Variants in OBSL1 observed in about 807,000 individuals in gnomAD.
OBSL1 encodes obscurin-like protein 1.
In OBSL1, 160 loss-of-function variants were observed where a neutral mutation model predicts 172.0. That is an observed-to-expected ratio of 0.93 (90% CI 0.82 to 1.06). The LOEUF (loss-of-function observed/expected upper bound fraction) is 1.06, where lower values mean the gene tolerates loss of function less well. Ranked by LOEUF, OBSL1 falls within the 50% of genes least tolerant of loss-of-function variation. OBSL1 has a pLI of 0.00. For missense variants in OBSL1, 2,681 were observed against 2,715.4 expected (o/e 0.99, Z 0.28); for synonymous variants, 1,200 against 1,196.3 (o/e 1.00, Z -0.06).
In OBSL1 at chr2:219,554,453, CT is replaced by C. The variant is rs1368441843; in HGVS notation, c.4876+20del. ...AGGGCCACACAGGTCAGCAGGCAGGCTGTGGTCCTGGAGGCCACACCTCTCA... is the reference window on the plus strand; with the variant it reads ...AGGGCCACACAGGTCAGCAGGCAGGCGTGGTCCTGGAGGCCACACCTCTCA... On this transcript the variant is annotated intron_variant, in intron 15 of 20. Transcript: ENST00000404537. 6.2e-7 allele frequency: 1 copy of C among 1,610,332 alleles called. No individual in the cohort carries two copies. Among genetic ancestry groups the C allele is most frequent in the African/African-American group, 1.3e-5 (1 of 74,900 alleles).
chr2:219,556,780 C>T, intron 12 of OBSL1, 57 bp from the exon 13 acceptor site: 1 of 1,500,708 alleles, frequency 6.7e-7, no homozygotes, highest in African/African-American at 1.4e-5. Context: ...CTCTCCTTTT[C>T]ATCCCCTCCT....
chr2:219,567,144 T>G lies in OBSL1; in HGVS notation c.1838-18A>C. On this transcript the variant is annotated intron_variant, in intron 4 of 20. Coordinates refer to ENST00000404537, the MANE Select transcript of OBSL1 (RefSeq NM_015311.3). ...TGTGGGCACTGAGGCAGGGACAGAGTGCAGCTGTCAGAACTAGAAGGTGTG... is the reference window on the plus strand; with the variant it reads ...TGTGGGCACTGAGGCAGGGACAGAGGGCAGCTGTCAGAACTAGAAGGTGTG... The G allele has an allele frequency of 6.2e-7, 1 of 1,609,398 alleles. No homozygotes were observed. The highest frequency in any genetic ancestry group is 8.5e-7 in the Non-Finnish European group (1 of 1,177,136).
At chr2:219,564,242 A>T (rs1242737088) in intron 6 of OBSL1, among the ~76,000 whole-genome samples, 1 of 152,152 alleles carries the variant, frequency 6.6e-6, no homozygotes, top group African/African-American at 2.4e-5. Flanking sequence ...CAGTCCAGGG[A>T]TTTATAACCA....
rs771773566 is a variant in OBSL1 at position 219,554,784 on chromosome 2, C to T, written c.4610-44G>A. On this transcript the variant is annotated intron_variant, in intron 14 of 20. Coordinates refer to ENST00000404537, the MANE Select transcript of OBSL1 (RefSeq NM_015311.3). The stretch of plus-strand genomic sequence containing the variant: ...GAGAGGGAGGATGAGGCCTCCAGCT[C>T]TGGGCAGGGGTTGCAGTCAATCCTC... 11 of 1,505,674 alleles carry T rather than the reference C, an allele frequency of 7.3e-6. No individual in the cohort carries two copies. The Admixed American group carries it at 8.1e-5, about 11-fold the overall frequency. The allele number at this position is 1,505,674 out of a possible 1,614,324, so 93.3% of individuals were successfully genotyped here.
chr2:219,567,270 C>A lies in OBSL1; in HGVS notation c.1837+3G>T. On this transcript the variant is annotated splice_donor_region_variant and intron_variant, in intron 4 of 20. Transcript: ENST00000404537. ...ATGGGTGGGTCTGGCAGGACCAACT[C>A]ACCAAGGTGAGCAGAACCGTGGAAC... is the stretch of plus-strand genomic sequence containing the variant. The A allele has an allele frequency of 1.3e-6, 2 of 1,587,410 alleles. No individual in the cohort carries two copies. Among genetic ancestry groups the A allele is most frequent in the Non-Finnish European group, 1.7e-6 (2 of 1,162,606 alleles).
chr2:219,549,659 G>A, downstream of OBSL1: 1 of 1,597,250 alleles, frequency 6.3e-7, no homozygotes, highest in South Asian at 1.1e-5. Flanking sequence ...TCAGGAAGAG[G>A]TGGCTTTTAG....
intron 6 of OBSL1, 41 bp from the exon 7 acceptor site, chr2:219,563,668 C>A: frequency 6.3e-7 from 1 of 1,586,154 alleles, no homozygotes; most frequent in Non-Finnish European, 8.6e-7. Context: ...GACACCCCCG[C>A]ACAATGAGTC....
In OBSL1 at chr2:219,557,573, A is replaced by G. The variant is rs922151164; in HGVS notation, c.3836T>C (p.Val1279Ala). 1.5e-5 allele frequency: 24 copies of G among 1,549,402 alleles called. No homozygotes were observed. The African/African-American group carries it at 3.3e-4, about 21-fold the overall frequency. The part of the protein sequence containing the change: ...VVAPEAAQTR[V>A]RSTPGGDLEL... ...TAGGTCCCCGCCTGGGGTGCTCCGAACCCTCGTCTGGGCTGCCTCGGGAGC... is the reference window on the plus strand; with the variant it reads ...TAGGTCCCCGCCTGGGGTGCTCCGAGCCCTCGTCTGGGCTGCCTCGGGAGC... The change falls in exon 12 of 21, where the codon GTT (valine) becomes GCT (alanine). Residue 1279 changes from valine to alanine, a missense_variant. Physicochemically the swap from Val to Ala is moderately conservative, Grantham distance 64. Coordinates refer to ENST00000404537, the MANE Select transcript of OBSL1 (RefSeq NM_015311.3).
At position 219,568,289 on chromosome 2, in the gene OBSL1, C is replaced by T. The variant is rs372417148; in HGVS notation, c.1048G>A (p.Val350Met). ...GCAATCCCGTGCTCACGGCCCTCCACGTCCTGCAGGGGCCGTGTGAACCGG... is the reference window on the plus strand; with the variant it reads ...GCAATCCCGTGCTCACGGCCCTCCATGTCCTGCAGGGGCCGTGTGAACCGG... The part of the protein sequence containing the change: ...RLRFTRPLQD[V>M]EGREHGIAVL... The change falls in exon 2 of 21, where the codon GTG becomes ATG. Residue 350 changes from valine (V) to methionine (M), a missense_variant. Val to Met is a conservative substitution (Grantham distance 21, BLOSUM62 1). This residue lies in a region of OBSL1 where 706 missense variants were observed against 695.8 expected (regional missense o/e 1.01). Transcript: ENST00000404537. This position sits in a 1 kb window ranked among gnomAD's most constrained non-coding sequence, Gnocchi z 4.1. 7.3e-5 allele frequency: 117 copies of T among 1,608,344 alleles called. No individual in the cohort carries two copies. Among genetic ancestry groups the T allele is most frequent in the Middle Eastern group, 3.3e-4 (2 of 6,070 alleles).
rs1395715336 is a variant in OBSL1, at chr2:219,558,736, TCA to T, written c.3227-279_3227-278del. 2.0e-5 allele frequency among the ~76,000 whole-genome samples: 3 copies of T among 151,922 alleles called. No homozygotes were observed. In the East Asian group the frequency reaches 5.8e-4, roughly 29 times the overall value. On this transcript the variant is annotated intron_variant, in intron 9 of 20. Transcript: ENST00000404537. ...TTAGAAGAAACTGACTTGCCTAAGG[TCA>T]CACAGACAGAAAGAGGCAGATCTAG...
rs1230700230 is a variant in OBSL1, at chr2:219,570,548, G to A, written c.685C>T (p.Pro229Ser). 3.1e-6 allele frequency: 5 copies of A among 1,598,652 alleles called. No homozygotes were observed. The highest frequency in any genetic ancestry group is 1.7e-5 in the Admixed American group (1 of 58,542). The change falls in exon 1 of 21, where the codon CCC becomes TCC. Residue 229 changes from proline (P) to serine (S), a missense_variant. Transcript: ENST00000404537. ...GGGTCCGCGGGCGGGCTCTCGGGGG[G>A]CTGGTGCACCTGGAGCAGCGCCCCC... ...QAGALLQVHQ[P>S]PESPPADPDE... is the part of the protein sequence containing the mutation.
intron 11 of OBSL1, 51 bp from the exon 12 acceptor site, chr2:219,557,669 A>T: frequency 6.6e-7 from 1 of 1,505,714 alleles, no homozygotes; most frequent in Non-Finnish European, 8.9e-7. Context: ...CAGGGCTTTG[A>T]GGAGGGCACG....
downstream of OBSL1, chr2:219,547,836 G>A (rs751394577): frequency 2.5e-6 from 4 of 1,587,696 alleles, no homozygotes; most frequent in Admixed American, 3.4e-5. Context: ...CTCACTCTGC[G>A]CTGGCCCCGC....
downstream of OBSL1, chr2:219,547,775 G>C: frequency 1.3e-6 from 2 of 1,594,136 alleles, no homozygotes; most frequent in Non-Finnish European, 1.7e-6. Flanking sequence ...GCCAGGCTCC[G>C]TGTGGGGTCC....
downstream of OBSL1, chr2:219,547,671 T>C: frequency 6.5e-7 from 1 of 1,544,340 alleles, no homozygotes; most frequent in Non-Finnish European, 8.7e-7. Flanking sequence ...CTGGTGGCCA[T>C]GCTAGTGCGC....
chr2:219,557,936 GGGCCCTCGGCATGGAGCTCTA>G lies in OBSL1; in HGVS notation c.3656_3676del (p.Leu1219_Gly1225del), dbSNP rs1696153162. 1.9e-6 allele frequency: 3 copies of G among 1,605,844 alleles called. No individual in the cohort carries two copies. Among genetic ancestry groups the G allele is most frequent in the South Asian group, 1.1e-5 (1 of 90,974 alleles). ...AGCCTGGATGCAGAGGACTCGGCGG[GGGCCCTCGGCATGGAGCTCTA>G]GGCCCTCGCCCTCCTGCACGGGCCT... On this transcript the variant is annotated inframe_deletion, in exon 11 of 21. Transcript: ENST00000404537.
Position 219,557,468 on chromosome 2 carries a change from C to T in OBSL1, c.3941G>A (p.Arg1314Gln), listed in dbSNP as rs760985580. The change falls in exon 12 of 21, where the codon CGG (arginine) becomes CAG (glutamine). Residue 1314 changes from arginine to glutamine, a missense_variant. Physicochemically the swap from Arg to Gln is conservative, Grantham distance 43. Coordinates refer to ENST00000404537, the MANE Select transcript of OBSL1 (RefSeq NM_015311.3). Reference protein sequence around the residue: ...KDGERLASQGRVQLEQAGARQ... With the variant: ...KDGERLASQGQVQLEQAGARQ... ...GGCCCCGGCCTGCTCCAGCTGCACC[C>T]GCCCCTGGCTTGCCAGTCGCTCCCC... The T allele has an allele frequency of 8.4e-6, 13 of 1,551,542 alleles. No individual in the cohort carries two copies. The highest frequency in any genetic ancestry group is 7.8e-5 in the Admixed American group (4 of 51,378).
chr2:219,556,685 G>C lies in OBSL1; in HGVS notation c.4105C>G (p.Leu1369Val), dbSNP rs1696034464. The C allele has an allele frequency of 1.9e-6, 3 of 1,609,264 alleles. No individual in the cohort carries two copies. The highest frequency in any genetic ancestry group is 3.3e-5 in the Admixed American group (2 of 59,914). Reference protein sequence around the residue: ...LVKLVSELTPLTVHEGDDATF... With the variant: ...LVKLVSELTPVTVHEGDDATF... ...GCATCATCGCCCTCGTGGACAGTGA[G>C]TGGTGTCAGCTCCGAGACCAGCTTC... The change falls in exon 13 of 21, where the codon CTC (leucine) becomes GTC (valine). Residue 1369 changes from leucine (L) to valine (V), a missense_variant. Physicochemically the swap from Leu to Val is conservative, Grantham distance 32. Around this residue, in one of 5 missense-constraint regions of OBSL1, gnomAD observed 1,765 missense variants for 1,748.3 expected, o/e 1.01. Transcript: ENST00000404537.
chr2:219,552,633 C>A lies in OBSL1; in HGVS notation c.5211G>T (p.Thr1737=). The A allele has an allele frequency of 6.4e-7, 1 of 1,560,026 alleles. No individual in the cohort carries two copies. The highest frequency in any genetic ancestry group is 8.6e-7 in the Non-Finnish European group (1 of 1,158,032). The change falls in exon 18 of 21, where the codon ACG becomes ACT. Residue 1737 remains threonine, a synonymous_variant. Transcript: ENST00000404537. The stretch of plus-strand genomic sequence containing the variant: ...CGACCTCCGACACGGTGCACTCGAA[C>A]GTAGCGCCGTCGCCTTCGCGGGCGC... ...SVSAREGDGA[T]FECTVSEVET... is the part of the protein sequence containing the mutation.
Sources: gnomAD v4.1 joint callset for allele counts (sites outside exome capture counted in the v4.1 genomes callset) on GRCh38, gnomAD v4.1.1 for gene constraint, gnomAD v4.1.1 regional missense constraint, Gnocchi (gnomAD v3.1) non-coding constraint, MANE v1.5 for transcripts, NCBI Gene and HGNC (gene_info 2026-07-23, HGNC 2026-07-21) for gene names.